The following PLPP1 variants were observed in gnomAD, a reference collection of about 807,000 sequenced individuals.
PLPP1 encodes the protein lipid phosphate phosphohydrolase 1a.
A neutral mutation model predicts 31.2 loss-of-function variants in PLPP1; 24 were observed. The observed-to-expected ratio is 0.77, with a 90% CI of 0.56 to 1.08. The LOEUF (loss-of-function observed/expected upper bound fraction) is 1.08. Among genes scored for constraint, PLPP1 ranks in the 50% least tolerant of loss-of-function variants. The pLI is 0.00. For missense variants in PLPP1, 319 were observed against 342.7 expected, an observed-to-expected ratio of 0.93 and a Z score of 0.55; for synonymous variants, 146 against 126.3, an observed-to-expected ratio of 1.16 and a Z score of -1.05.
intron 1 of PLPP1, among the ~76,000 whole-genome samples, chr5:55,497,700 T>C (rs1227140700): frequency 6.6e-6 from 1 of 152,000 alleles, no homozygotes; most frequent in East Asian, 1.9e-4. Flanking sequence ...CTGGGTAATT[T>C]AAGGAGAGTT....
intron 1 of PLPP1, among the ~76,000 whole-genome samples, chr5:55,530,865 C>T (rs1740638918): frequency 6.6e-6 from 1 of 152,226 alleles, no homozygotes; most frequent in Non-Finnish European, 1.5e-5. Context: ...CGGAGAGGTC[C>T]TCAGCCATGG....
At chr5:55,524,814 C>G (rs6897975) in intron 1 of PLPP1, among the ~76,000 whole-genome samples, 1 of 151,914 alleles carries the variant, frequency 6.6e-6, no homozygotes, top group Admixed American at 6.6e-5. Context: ...ACGTCCCCCC[C>G]CAAAAAAAAG....
chr5:55,453,768 C>G (rs1561229136), intron 3 of PLPP1, among the ~76,000 whole-genome samples: 1 of 152,082 alleles, frequency 6.6e-6, no homozygotes, highest in Non-Finnish European at 1.5e-5. Context: ...TGGTGAAACC[C>G]CATTTCTACT....
intron 1 of PLPP1, among the ~76,000 whole-genome samples, chr5:55,494,770 G>C (rs1247278386): frequency 6.6e-6 from 1 of 151,846 alleles, no homozygotes; most frequent in Non-Finnish European, 1.5e-5. Context: ...GCAACTCTGA[G>C]GGCAAAGGCT....
At chr5:55,431,771 CAAAAT>C (rs1372097727) in intron 4 of PLPP1, among the ~76,000 whole-genome samples, 1 of 151,840 alleles carries the variant, frequency 6.6e-6, no homozygotes, top group African/African-American at 2.4e-5. Flanking sequence ...CAGAACTTAA[CAAAAT>C]GAACTCTTAA....
chr5:55,480,061 A>G (rs1036850968), intron 1 of PLPP1, among the ~76,000 whole-genome samples: 1 of 152,220 alleles, frequency 6.6e-6, no homozygotes, highest in Non-Finnish European at 1.5e-5. Flanking sequence ...AGAAATGCAA[A>G]CATTTAAATA....
At chr5:55,447,455 CTT>C (rs1020395764) in intron 3 of PLPP1, among the ~76,000 whole-genome samples, 38 of 152,256 alleles carry the variant, frequency 2.5e-4, no homozygotes, top group African/African-American at 8.7e-4. Flanking sequence ...TGTTTAAAGA[CTT>C]ATAATTGTTA....
chr5:55,519,705 G>C (rs530458586), intron 1 of PLPP1, among the ~76,000 whole-genome samples: 1 of 150,618 alleles, frequency 6.6e-6, no homozygotes, highest in African/African-American at 2.4e-5. Context: ...AGCCAAGATC[G>C]CGCCATTGCA....
At chr5:55,490,297 T>C (rs2111850261) in intron 1 of PLPP1, among the ~76,000 whole-genome samples, 1 of 151,990 alleles carries the variant, frequency 6.6e-6, no homozygotes, top group East Asian at 1.9e-4. Flanking sequence ...ATTACAGGCA[T>C]GCGCCACCAC....
intron 3 of PLPP1, among the ~76,000 whole-genome samples, chr5:55,443,212 TACACACACACACACACACAC>T (rs960914383): frequency 9.5e-6 from 1 of 104,996 alleles, no homozygotes; most frequent in African/African-American, 3.9e-5. Flanking sequence ...TATATATATA[TACACACACACACACACACAC>T]ACATATATAT....
intron 3 of PLPP1, among the ~76,000 whole-genome samples, chr5:55,454,563 T>A (rs1751965265): frequency 6.6e-6 from 1 of 152,160 alleles, no homozygotes; most frequent in Non-Finnish European, 1.5e-5. Context: ...ACTCACATAT[T>A]CCCTGGAGAC....
At chr5:55,534,496 T>G in intron 1 of PLPP1, 76 bp downstream of exon 1, 1 of 1,412,522 alleles carries the variant, frequency 7.1e-7, no homozygotes, top group Non-Finnish European at 9.4e-7. Context: ...ACACCCCCGC[T>G]GCCCGTCGCG....
At chr5:55,491,128 GA>G (rs767883972) in intron 1 of PLPP1, 5 of 1,598,856 alleles carry the variant, frequency 3.1e-6, no homozygotes, top group Admixed American at 3.6e-5. Flanking sequence ...TTGGGGAAGG[GA>G]AAAAAAGACA....
At chr5:55,466,761 G>A (rs1223355450) in intron 3 of PLPP1, among the ~76,000 whole-genome samples, 1 of 151,920 alleles carries the variant, frequency 6.6e-6, no homozygotes, top group African/African-American at 2.4e-5. Context: ...GGCCCACGTT[G>A]CTTTCAAGAA....
intron 4 of PLPP1, among the ~76,000 whole-genome samples, chr5:55,437,455 T>TTTTTG (rs1554036854): frequency 1.3e-4 from 19 of 149,040 alleles, no homozygotes; most frequent in East Asian, 7.8e-4. Context: ...AAGGAGTTTT[T>TTTTTG]TTTGTTTGTT....
intron 4 of PLPP1, among the ~76,000 whole-genome samples, chr5:55,439,958 A>C (rs3804263): frequency 0.85 from 129,467 of 152,050 alleles, 55,597 homozygotes; most frequent in South Asian, 0.92. Context: ...GTAATCAATC[A>C]ATCAATACAG....
intron 1 of PLPP1, among the ~76,000 whole-genome samples, chr5:55,480,467 C>G (rs2111824581): frequency 6.6e-6 from 1 of 152,130 alleles, no homozygotes; most frequent in South Asian, 2.1e-4. Flanking sequence ...CACCAAGAAA[C>G]CCAGGCAACC....
chr5:55,511,303 T>G (rs1181885295), intron 1 of PLPP1, among the ~76,000 whole-genome samples: 1 of 152,188 alleles, frequency 6.6e-6, no homozygotes, highest in African/African-American at 2.4e-5. Flanking sequence ...ACAAGGACGT[T>G]GTACACAGCA....
intron 1 of PLPP1, among the ~76,000 whole-genome samples, chr5:55,487,111 C>T (rs1275157456): frequency 6.6e-6 from 1 of 152,164 alleles, no homozygotes; most frequent in Non-Finnish European, 1.5e-5. Flanking sequence ...AAAGCAACTA[C>T]TTACAGTCAG....
Sources: gnomAD v4.1 joint callset for allele counts (sites outside exome capture counted in the v4.1 genomes callset) on GRCh38, gnomAD v4.1.1 for gene constraint, MANE v1.5 for transcripts, NCBI Gene and HGNC (gene_info 2026-07-23, HGNC 2026-07-21) for gene names.